Variants in BRAF observed in about 807,000 individuals in gnomAD.
BRAF encodes B-Raf proto-oncogene, serine/threonine kinase.
A neutral mutation model predicts 104.6 loss-of-function variants in BRAF; 16 were observed. The observed-to-expected ratio is 0.15, with a 90% CI of 0.10 to 0.23. The LOEUF is 0.23. BRAF is among the 10% of genes least tolerant of loss of function. BRAF has a pLI of 1.00. For synonymous variants in BRAF, 310 were observed against 341.6 expected (o/e 0.91, Z 1.02); for missense variants, 541 against 937.3 (o/e 0.58, Z 5.52).
intron 6 of BRAF, chr7:140,801,134 T>C (rs1188177751): frequency 6.0e-6 from 2 of 335,790 alleles, no homozygotes; most frequent in Non-Finnish European, 1.1e-5. Context: ...CCTCTCCTCC[T>C]AGAAACTATC....
At chr7:140,747,855 T>C (rs1303452556) in intron 17 of BRAF, among the ~76,000 whole-genome samples, 1 of 152,174 alleles carries the variant, frequency 6.6e-6, no homozygotes, top group South Asian at 2.1e-4. Context: ...GTAAGTACAA[T>C]GTTTCAATTA....
intron 3 of BRAF, among the ~76,000 whole-genome samples, chr7:140,824,652 GA>G (rs113849057): frequency 0.026 from 3,331 of 127,426 alleles, 88 homozygotes; most frequent in Admixed American, 0.093. Context: ...TATTTCTGAG[GA>G]AAAAAAAAAA....
Position 140,924,514 on chromosome 7 carries a change from C to G in BRAF, c.138+52G>C, listed in dbSNP as rs373133922. On this transcript the variant is annotated intron_variant, in intron 1 of 19. Coordinates refer to ENST00000644969, the MANE Select transcript of BRAF (RefSeq NM_001374258.1). This position sits in a 1 kb window ranked among gnomAD's most constrained non-coding sequence, Gnocchi z 4.2. ...CGCCTCTTTCCAAAATAAACACCAG[C>G]CAGCCGCCGAGCCCGGAGTCGGGAG... is the stretch of plus-strand genomic sequence containing the variant. 1.1e-4 allele frequency: 165 copies of G among 1,532,444 alleles called. No homozygotes were observed. The African/African-American group carries it at 1.7e-3, about 15-fold the overall frequency. The allele number at this position is 1,532,444 out of a possible 1,614,324, so 94.9% of individuals were successfully genotyped here.
In BRAF at chr7:140,722,090, TA is replaced by T. The variant is rs1357635063; in HGVS notation, c.*4403del. On this transcript the variant is annotated 3_prime_UTR_variant, in exon 20 of 20. Coordinates refer to ENST00000644969, the MANE Select transcript of BRAF (RefSeq NM_001374258.1). ...AATTTCTGTCAACATTTCTGTTGTA[TA>T]AAAGTTCCATGCTTTGAAGAGCCTA... 2 of 1,083,710 alleles carry T rather than the reference TA, an allele frequency of 1.8e-6. No homozygotes were observed. The highest frequency in any genetic ancestry group is 2.2e-6 in the Non-Finnish European group (2 of 892,408). 67.1% of individuals were successfully genotyped at this position (1,083,710 alleles called of 1,614,324 possible).
At chr7:140,821,848 T>C (rs979092158) in intron 3 of BRAF, among the ~76,000 whole-genome samples, 5 of 152,088 alleles carry the variant, frequency 3.3e-5, no homozygotes, top group African/African-American at 1.2e-4. Flanking sequence ...GCCACAAAAA[T>C]GAATGAAATC....
At chr7:140,785,119 G>C (rs1215877994) in intron 10 of BRAF, among the ~76,000 whole-genome samples, 1 of 151,202 alleles carries the variant, frequency 6.6e-6, no homozygotes, top group African/African-American at 2.4e-5. Flanking sequence ...TCTTTTTTTT[G>C]TCTTTTTTAA....
rs182317067 is a variant in BRAF at position 140,876,354 on chromosome 7, A to T, written c.139-26142T>A. 3.5e-3 allele frequency among the ~76,000 whole-genome samples: 535 copies of T among 152,348 alleles called. 6 individuals are homozygous for T. Among genetic ancestry groups the T allele is most frequent in the African/African-American group, 0.012 (509 of 41,584 alleles). ...TAAGCCACAACAGGTAAATTAAAAC[A>T]GAATGGCTAAAAGTTGTTCAAACAA... On this transcript the variant is annotated intron_variant, in intron 1 of 19. Transcript: ENST00000644969.
At chr7:140,808,199 T>G in intron 4 of BRAF, 137 bp from the exon 5 acceptor site, 1 of 714,268 alleles carries the variant, frequency 1.4e-6, no homozygotes, top group East Asian at 2.7e-5. Flanking sequence ...ATTCCATCGT[T>G]AGAAATTTAA....
Position 140,726,457 on chromosome 7 carries a change from A to T in BRAF, c.*37T>A. 6.5e-7 allele frequency: 1 copy of T among 1,535,776 alleles called. No individual in the cohort carries two copies. The highest frequency in any genetic ancestry group is 8.7e-7 in the Non-Finnish European group (1 of 1,146,820). ...TGTTAACAAATTGTACGAACACAAG[A>T]CTTAAGAAATAAGAGCAGATGCTGC... On this transcript the variant is annotated 3_prime_UTR_variant, in exon 20 of 20. Transcript: ENST00000644969.
chr7:140,747,328 C>A (rs1473378316), intron 17 of BRAF: 1 of 1,123,862 alleles, frequency 8.9e-7, no homozygotes, highest in Non-Finnish European at 1.1e-6. Flanking sequence ...AAGGTTCTAA[C>A]TATACTATTA....
chr7:140,845,141 G>A (rs1460949708), intron 2 of BRAF, among the ~76,000 whole-genome samples: 1 of 152,184 alleles, frequency 6.6e-6, no homozygotes, highest in Admixed American at 6.5e-5. Context: ...CGACAAGGGT[G>A]CCAAGGCCAT....
Position 140,850,159 on chromosome 7 carries a change from T to C in BRAF, c.192A>G (p.Leu64=). 1.9e-6 allele frequency: 3 copies of C among 1,612,254 alleles called. No homozygotes were observed. The highest frequency in any genetic ancestry group is 1.7e-6 in the Non-Finnish European group (2 of 1,179,166). Residue 64 remains leucine, a synonymous_variant, in exon 2 of 20, where the codon CTA becomes CTG. Transcript: ENST00000644969. ...TATGCTCCCCACCAAATTTGTCCAA[T>C]AGGGCCTCTATATGTTCCTGTGTCA... ...IKLTQEHIEA[L]LDKFGGEHNP...
At chr7:140,815,914 C>T (rs1804832673) in intron 3 of BRAF, among the ~76,000 whole-genome samples, 1 of 152,130 alleles carries the variant, frequency 6.6e-6, no homozygotes, top group Non-Finnish European at 1.5e-5. Context: ...CCAGAAACCA[C>T]AGGATTTATA....
intron 1 of BRAF, among the ~76,000 whole-genome samples, chr7:140,914,977 G>T (rs1191247919): frequency 2.0e-5 from 1 of 49,640 alleles, no homozygotes; most frequent in Non-Finnish European, 4.6e-5. Context: ...GGGGGGGGGG[G>T]GGCGGAGGTT....
At position 140,754,323 on chromosome 7, in the gene BRAF, A is replaced by T. The variant is rs71645987; in HGVS notation, c.1815-90T>A. ...AACATACTTGGGGGTGTAAAGACTT[A>T]TTTAGAATCATGATACAACTGAAAA... On this transcript the variant is annotated intron_variant, in intron 14 of 19. Transcript: ENST00000644969. The T allele has an allele frequency of 6.8e-3, 7,381 of 1,087,004 alleles. 329 individuals carry two copies. In the African/African-American group the frequency reaches 0.096, roughly 14 times the overall value. 67.3% of individuals were successfully genotyped at this position (1,087,004 alleles called of 1,614,324 possible).
intron 3 of BRAF, among the ~76,000 whole-genome samples, chr7:140,825,950 CT>C (rs1187720363): frequency 6.6e-6 from 1 of 152,056 alleles, no homozygotes; most frequent in Non-Finnish European, 1.5e-5. Flanking sequence ...AATGTTAGCC[CT>C]AATTTATTTG....
rs1278648177 is a variant in BRAF at position 140,722,149 on chromosome 7, C to T, written c.*4345G>A. On this transcript the variant is annotated 3_prime_UTR_variant, in exon 20 of 20. Coordinates refer to ENST00000644969, the MANE Select transcript of BRAF (RefSeq NM_001374258.1). Reference sequence around the variant, plus strand: ...AGAAAAAGTTTCTCTAGAAATGTCACTGAACTATATTTGCAACCTAGTTGC... The same window carrying T: ...AGAAAAAGTTTCTCTAGAAATGTCATTGAACTATATTTGCAACCTAGTTGC... The T allele has an allele frequency of 2.8e-6, 3 of 1,065,820 alleles. No homozygotes were observed. Among genetic ancestry groups the T allele is most frequent in the Admixed American group, 1.1e-4 (2 of 18,720 alleles). 66.0% of individuals were successfully genotyped at this position (1,065,820 alleles called of 1,614,324 possible). A position where few individuals can be genotyped will look rare whatever the true frequency, so the allele number is the denominator to read the frequency against.
chr7:140,825,856 T>C (rs1805990363), intron 3 of BRAF, among the ~76,000 whole-genome samples: 1 of 152,222 alleles, frequency 6.6e-6, no homozygotes, highest in Non-Finnish European at 1.5e-5. Flanking sequence ...TATTCTTTGG[T>C]TTTATTATGT....
chr7:140,738,172 G>C (rs980672173), intron 18 of BRAF, among the ~76,000 whole-genome samples: 3 of 152,090 alleles, frequency 2.0e-5, no homozygotes, highest in African/African-American at 7.2e-5. Context: ...TTCCTCAAAG[G>C]AACAGTAACT....
Sources: allele counts gnomAD v4.1 joint callset (sites outside exome capture counted in the v4.1 genomes callset), GRCh38; gene constraint gnomAD v4.1.1; non-coding constraint Gnocchi (gnomAD v3.1); transcripts MANE v1.5; gene names NCBI Gene and HGNC (gene_info 2026-07-23, HGNC 2026-07-21).